DGKB: variants seen among roughly 807,000 people sequenced by gnomAD.
DGKB encodes diacylglycerol kinase beta.
In DGKB, 67 loss-of-function variants were observed where a neutral mutation model predicts 114.3. That is an observed-to-expected ratio of 0.59 (90% CI 0.48 to 0.72). DGKB has a LOEUF of 0.72. Among genes scored for constraint, DGKB ranks in the 30% least tolerant of loss-of-function variants. The pLI is 0.00. For synonymous variants in DGKB, 398 were observed against 323.1 expected (o/e 1.23, Z -2.49); for missense variants, 907 against 975.2 (o/e 0.93, Z 0.93).
intron 20 of DGKB, among the ~76,000 whole-genome samples, chr7:14,535,776 C>CG (rs1220632454): frequency 5.3e-5 from 8 of 151,928 alleles, no homozygotes; most frequent in African/African-American, 1.9e-4. Context: ...TTAGTAGAGA[C>CG]GGGGTTTCAC....
intron 23 of DGKB, chr7:14,192,192 A>T (rs1209103060): frequency 7.5e-6 from 2 of 265,918 alleles, no homozygotes; most frequent in Non-Finnish European, 1.5e-5. Context: ...TGTAGATGTT[A>T]TAATATTTTA....
In DGKB at chr7:14,588,744, T is replaced by A. The variant is rs1801192776; in HGVS notation, c.1434-5607A>T. On this transcript the variant is annotated intron_variant, in intron 17 of 25. Transcript: ENST00000402815. ...CATATGGGTACATTTCTATTTCTAT[T>A]CTCTATTGTGTTTTACTCACGACTT... is the stretch of plus-strand genomic sequence containing the variant. Among the ~76,000 whole-genome samples, 3 of 152,128 alleles carry A rather than the reference T, an allele frequency of 2.0e-5. 1 individual carries two copies. The South Asian group carries it at 6.2e-4, about 31-fold the overall frequency.
chr7:14,252,458 T>G (rs982536773), intron 23 of DGKB, among the ~76,000 whole-genome samples: 6 of 152,206 alleles, frequency 3.9e-5, no homozygotes, highest in African/African-American at 1.2e-4. Flanking sequence ...CATAGACTAC[T>G]CAGGAAGGGA....
At position 14,338,611 on chromosome 7, in the gene DGKB, A is replaced by G; in HGVS notation, c.2026T>C (p.Ser676Pro). ...CGTCGATGGCTTCGTCTTTTCTTAG[A>G]CTCTCCCCAAAGATTGGATCCTCCA... ...MHGGSNLWGE[S>P]KKRRSHRRIE... Residue 676 changes from serine to proline, a missense_variant, in exon 23 of 26, where the codon TCT becomes CCT. Physicochemically the swap from Ser to Pro is moderately conservative, Grantham distance 74. Transcript: ENST00000402815. 1.2e-6 allele frequency: 2 copies of G among 1,609,278 alleles called. No homozygotes were observed. The highest frequency in any genetic ancestry group is 1.7e-6 in the Non-Finnish European group (2 of 1,177,450).
intron 23 of DGKB, among the ~76,000 whole-genome samples, chr7:14,301,381 A>G (rs971579608): frequency 3.5e-4 from 53 of 152,098 alleles, no homozygotes; most frequent in African/African-American, 1.3e-3. Flanking sequence ...TTGGCAAGTC[A>G]TGAGATTTCT....
rs571938103 is a variant in DGKB, at chr7:14,926,907, G to A, written c.-188+47789C>T. On this transcript the variant is annotated intron_variant, in intron 1 of 4. Transcript: ENST00000437998. ...GAATGTGGTTCCCTACAGAAGATTC[G>A]TATTTGCTTCCATCTGGTTGGAAGG... 9.2e-5 allele frequency among the ~76,000 whole-genome samples: 14 copies of A among 151,962 alleles called. No individual in the cohort carries two copies. The East Asian group carries it at 1.6e-3, about 17-fold the overall frequency.
At chr7:14,157,946 A>G (rs959136480) in intron 25 of DGKB, among the ~76,000 whole-genome samples, 19 of 152,202 alleles carry the variant, frequency 1.2e-4, no homozygotes, top group African/African-American at 4.6e-4. Context: ...TATTTCAACT[A>G]AAATTTTCTA....
At chr7:14,843,586 G>T (rs1166688595) in intron 1 of DGKB, among the ~76,000 whole-genome samples, 9 of 151,106 alleles carry the variant, frequency 6.0e-5, no homozygotes, top group African/African-American at 1.9e-4. Context: ...CACCCGCCTC[G>T]GCCTCCCAAA....
intron 23 of DGKB, among the ~76,000 whole-genome samples, chr7:14,267,088 C>T (rs1797622412): frequency 6.6e-6 from 1 of 152,116 alleles, no homozygotes. Context: ...TATGGTGTGA[C>T]AGATTAAAAA....
intron 20 of DGKB, among the ~76,000 whole-genome samples, chr7:14,511,452 T>C (rs572018068): frequency 1.1e-4 from 16 of 152,306 alleles, no homozygotes; most frequent in African/African-American, 3.4e-4. Context: ...TTAGCCTTCA[T>C]AGAACTGAAG....
At chr7:14,567,304 TTATA>T in intron 20 of DGKB, among the ~76,000 whole-genome samples, 1 of 32,314 alleles carries the variant, frequency 3.1e-5, no homozygotes, top group African/African-American at 1.6e-4. Flanking sequence ...TATTTATATA[TTATA>T]TATAATTATA....
At chr7:14,952,682 G>A (rs1417648499) in intron 1 of DGKB, among the ~76,000 whole-genome samples, 1 of 151,964 alleles carries the variant, frequency 6.6e-6, no homozygotes, top group East Asian at 1.9e-4. Context: ...CTTGAACCTG[G>A]GAGGAAGAGG....
intron 23 of DGKB, among the ~76,000 whole-genome samples, chr7:14,278,243 A>G (rs557050710): frequency 6.7e-6 from 1 of 148,522 alleles, no homozygotes; most frequent in Non-Finnish European, 1.5e-5. Flanking sequence ...GTTAAAAAAT[A>G]TTATGAAGCA....
chr7:14,145,130 G>A lies in DGKB; in HGVS notation c.*4001C>T, dbSNP rs1260843987. Reference sequence around the variant, plus strand: ...AAAATAATTAAGGTACTATAATTAAGTTCCATGTTTTTAAACACAATAAGG... The same window carrying A: ...AAAATAATTAAGGTACTATAATTAAATTCCATGTTTTTAAACACAATAAGG... On this transcript the variant is annotated 3_prime_UTR_variant, in exon 26 of 26. Transcript: ENST00000402815. 1 of 152,124 alleles carries A rather than the reference G, an allele frequency of 6.6e-6. No individual in the cohort carries two copies. The highest frequency in any genetic ancestry group is 2.4e-5 in the African/African-American group (1 of 41,422). 9.4% of individuals were successfully genotyped at this position (152,124 alleles called of 1,614,324 possible).
At chr7:14,699,383 T>G (rs1390949930) in intron 7 of DGKB, among the ~76,000 whole-genome samples, 1 of 152,140 alleles carries the variant, frequency 6.6e-6, no homozygotes, top group Non-Finnish European at 1.5e-5. Context: ...GAAACTATTT[T>G]TGGTGGACTG....
rs972137451 is a variant in DGKB at position 14,942,452 on chromosome 7, CTTACT to C, written c.-188+32239_-188+32243del. 1.1e-4 allele frequency among the ~76,000 whole-genome samples: 17 copies of C among 151,882 alleles called. 1 individual carries two copies. Among genetic ancestry groups the C allele is most frequent in the Middle Eastern group, 3.4e-3 (1 of 294 alleles). ...ATATTATTAATATTAATCGCTTAAC[CTTACT>C]TTAAAGTTCTTTTATGTTTCTATGT... is the stretch of plus-strand genomic sequence containing the variant. On this transcript the variant is annotated intron_variant, in intron 1 of 4. Coordinates refer to the DGKB transcript ENST00000437998.
intron 19 of DGKB, among the ~76,000 whole-genome samples, chr7:14,576,640 C>T (rs368406445): frequency 6.6e-6 from 1 of 151,992 alleles, no homozygotes; most frequent in Non-Finnish European, 1.5e-5. Flanking sequence ...TGAATTTTTT[C>T]TCAGTCATGT....
At chr7:14,773,132 T>C (rs1837660822) in intron 2 of DGKB, among the ~76,000 whole-genome samples, 1 of 152,216 alleles carries the variant, frequency 6.6e-6, no homozygotes. Flanking sequence ...GACAGCATCA[T>C]TGTATATAGA....
In DGKB at chr7:14,497,102, G is replaced by A. The variant is rs73285815; in HGVS notation, c.1771-18877C>T. Among the ~76,000 whole-genome samples, 1,178 of 151,702 alleles carry A rather than the reference G, an allele frequency of 7.8e-3. 19 individuals carry two copies. Among genetic ancestry groups the A allele is most frequent in the African/African-American group, 0.027 (1,101 of 41,400 alleles). The stretch of plus-strand genomic sequence containing the variant: ...AACTCAGAAATCAAAAACCAAATAC[G>A]CATGTTCTTATTTATAAGTGGGAGG... On this transcript the variant is annotated intron_variant, in intron 20 of 25. Coordinates refer to ENST00000402815, the MANE Select transcript of DGKB (RefSeq NM_001350709.2).
Sources: allele counts gnomAD v4.1 joint callset (sites outside exome capture counted in the v4.1 genomes callset), GRCh38; gene constraint gnomAD v4.1.1; transcripts MANE v1.5; gene names NCBI Gene and HGNC (gene_info 2026-07-23, HGNC 2026-07-21).